CSMD3: variants seen among roughly 807,000 people sequenced by gnomAD.
CSMD3 encodes the protein CUB and sushi domain-containing protein 3.
CSMD3 carries 177 observed loss-of-function variants against 435.2 expected under a neutral mutation model. The observed-to-expected ratio is 0.41, with a 90% CI of 0.36 to 0.46. The LOEUF is 0.46. Ranked by LOEUF, CSMD3 falls within the 20% of genes least tolerant of loss-of-function variation. The probability of loss-of-function intolerance (pLI) is 0.34; values close to 1 mark genes in which losing one functional copy is unlikely to be tolerated. For synonymous variants in CSMD3, 1,656 were observed against 1,520.5 expected (o/e 1.09, Z -2.07); for missense variants, 4,265 against 4,504.6 (o/e 0.95, Z 1.52).
At chr8:112,798,062 G>T (rs77388258) in intron 13 of CSMD3, among the ~76,000 whole-genome samples, 1 of 151,858 alleles carries the variant, frequency 6.6e-6, no homozygotes, top group African/African-American at 2.4e-5. Context: ...TATGATTCAC[G>T]GTTTATAAAA....
intron 2 of CSMD3, chr8:113,311,503 A>G (rs1219586711): frequency 6.6e-6 from 1 of 152,142 alleles, no homozygotes. Context: ...AGTAAAAAAA[A>G]TAAATATCAA....
intron 38 of CSMD3, among the ~76,000 whole-genome samples, chr8:112,377,209 GACT>G (rs1351093440): frequency 6.6e-6 from 1 of 151,694 alleles, no homozygotes; most frequent in Non-Finnish European, 1.5e-5. Context: ...AAGAATAAGA[GACT>G]ACTATGAACA....
chr8:113,414,651 C>CAAAA (rs780988317), intron 1 of CSMD3, among the ~76,000 whole-genome samples: 3 of 85,068 alleles, frequency 3.5e-5, no homozygotes, highest in Non-Finnish European at 2.5e-5. Flanking sequence ...TGCCCAAATA[C>CAAAA]AAAAAAAAAA....
chr8:112,285,798 C>T (rs1406078787), intron 58 of CSMD3, among the ~76,000 whole-genome samples: 1 of 152,052 alleles, frequency 6.6e-6, no homozygotes, highest in Admixed American at 6.6e-5. Flanking sequence ...TGGTTCACTG[C>T]AGCCTCTGCC....
intron 11 of CSMD3, among the ~76,000 whole-genome samples, chr8:112,834,825 A>G (rs919227063): frequency 4.6e-5 from 7 of 151,892 alleles, no homozygotes; most frequent in Non-Finnish European, 1.0e-4. Flanking sequence ...TGTAAAAAGA[A>G]TGCCATACAT....
rs1012286470 is a variant in CSMD3, at chr8:112,810,345, TGGAA to T, written c.1860-10075_1860-10072del. Among the ~76,000 whole-genome samples the T allele has an allele frequency of 7.4e-5, 11 of 148,808 alleles. No homozygotes were observed. The East Asian group carries it at 1.0e-3, about 14-fold the overall frequency. ...CACACAATTTTTTAACTGATTTAAA[TGGAA>T]GGATAATTTAGAATGAAAAACATCT... is the stretch of plus-strand genomic sequence containing the variant. On this transcript the variant is annotated intron_variant, in intron 12 of 70. Transcript: ENST00000297405.
intron 6 of CSMD3, among the ~76,000 whole-genome samples, chr8:113,005,780 A>G (rs2086033741): frequency 6.6e-6 from 1 of 152,186 alleles, no homozygotes; most frequent in East Asian, 1.9e-4. Context: ...TTTAAAAAAT[A>G]ATAAACAAAT....
At chr8:112,990,003 A>T (rs963187988) in intron 6 of CSMD3, among the ~76,000 whole-genome samples, 4 of 151,772 alleles carry the variant, frequency 2.6e-5, no homozygotes, top group Non-Finnish European at 5.9e-5. Flanking sequence ...TAAATGGGAG[A>T]TCCCCTACAC....
intron 66 of CSMD3, among the ~76,000 whole-genome samples, chr8:112,237,962 G>A (rs562002022): frequency 6.6e-6 from 1 of 152,168 alleles, no homozygotes; most frequent in Admixed American, 6.6e-5. Context: ...TCTCAAGGAT[G>A]AGAGATGAAT....
intron 1 of CSMD3, among the ~76,000 whole-genome samples, chr8:113,372,538 G>A (rs1195672715): frequency 6.6e-6 from 1 of 152,128 alleles, no homozygotes; most frequent in Non-Finnish European, 1.5e-5. Flanking sequence ...CCAGTAGGGG[G>A]AGTCCTGATC....
intron 54 of CSMD3, among the ~76,000 whole-genome samples, chr8:112,295,085 T>C (rs1820136052): frequency 6.6e-6 from 1 of 152,130 alleles, no homozygotes; most frequent in South Asian, 2.1e-4. Context: ...CCAGAGTTCA[T>C]GATATCATTC....
chr8:112,589,988 T>C (rs1057455738), intron 22 of CSMD3, among the ~76,000 whole-genome samples: 2 of 152,130 alleles, frequency 1.3e-5, no homozygotes, highest in Non-Finnish European at 2.9e-5. Flanking sequence ...AAATAAAACA[T>C]GCATGTGAAA....
chr8:112,460,355 T>A (rs1433379039), intron 32 of CSMD3, among the ~76,000 whole-genome samples: 1 of 151,916 alleles, frequency 6.6e-6, no homozygotes, highest in Non-Finnish European at 1.5e-5. Flanking sequence ...TTAGAGATAG[T>A]AAGGAGAAGC....
intron 10 of CSMD3, among the ~76,000 whole-genome samples, chr8:112,885,484 G>T (rs1228788864): frequency 6.6e-6 from 1 of 151,492 alleles, no homozygotes; most frequent in Non-Finnish European, 1.5e-5. Context: ...TGTAAGACTT[G>T]CCACTGAAAA....
chr8:113,372,655 C>T (rs1200642011), intron 1 of CSMD3, among the ~76,000 whole-genome samples: 2 of 152,044 alleles, frequency 1.3e-5, no homozygotes, highest in Non-Finnish European at 1.5e-5. Flanking sequence ...ACATTTAGGC[C>T]GGGCGCGGTG....
intron 10 of CSMD3, among the ~76,000 whole-genome samples, chr8:112,881,709 T>G (rs2081452474): frequency 6.6e-6 from 1 of 151,952 alleles, no homozygotes; most frequent in Admixed American, 6.6e-5. Context: ...CATTAGAAAC[T>G]TTTTCCTGCT....
chr8:112,943,687 A>G (rs1368035833), intron 9 of CSMD3, among the ~76,000 whole-genome samples: 2 of 151,622 alleles, frequency 1.3e-5, no homozygotes, highest in African/African-American at 4.8e-5. Context: ...GGTGATTTCC[A>G]TATCTTATAT....
chr8:112,981,214 C>T (rs2130962866), intron 6 of CSMD3, among the ~76,000 whole-genome samples: 1 of 151,222 alleles, frequency 6.6e-6, no homozygotes. Context: ...AAAAAAACTG[C>T]AGCAATTAAA....
chr8:112,866,878 A>G (rs1377246403), intron 10 of CSMD3, among the ~76,000 whole-genome samples: 2 of 152,148 alleles, frequency 1.3e-5, no homozygotes, highest in Non-Finnish European at 2.9e-5. Flanking sequence ...GGAAAATTAG[A>G]TATTCTAATA....
Sources: allele counts gnomAD v4.1 joint callset (sites outside exome capture counted in the v4.1 genomes callset), GRCh38; gene constraint gnomAD v4.1.1; transcripts MANE v1.5; gene names NCBI Gene and HGNC (gene_info 2026-07-23, HGNC 2026-07-21).